The following CDH13 variants were observed in gnomAD, a reference collection of about 807,000 sequenced individuals.
The protein encoded by CDH13 is cadherin-13.
A neutral mutation model predicts 63.8 loss-of-function variants in CDH13; 24 were observed. The ratio of observed to expected loss-of-function variants is 0.38; its 90% CI spans 0.27 to 0.53. The LOEUF (loss-of-function observed/expected upper bound fraction) is 0.53. CDH13 is among the 20% of genes least tolerant of loss of function. CDH13 has a pLI of 0.85. For synonymous variants in CDH13, 503 were observed against 355.3 expected, an observed-to-expected ratio of 1.42 and a Z score of -4.67; for missense variants, 1,049 against 903.1, an observed-to-expected ratio of 1.16 and a Z score of -2.07.
chr16:83,112,040 T>G (rs541400372), intron 3 of CDH13, among the ~76,000 whole-genome samples: 1 of 152,342 alleles, frequency 6.6e-6, no homozygotes, highest in African/African-American at 2.4e-5. Flanking sequence ...GAAAAAAGTT[T>G]CCAGAGTTCT....
intron 5 of CDH13, among the ~76,000 whole-genome samples, chr16:83,279,610 G>A (rs577922453): frequency 1.9e-4 from 29 of 152,250 alleles, no homozygotes; most frequent in Non-Finnish European, 3.5e-4. Flanking sequence ...GGAAGGAACC[G>A]GCTATTAAAT....
intron 2 of CDH13, among the ~76,000 whole-genome samples, chr16:82,951,617 G>T (rs1047041376): frequency 2.0e-5 from 3 of 152,154 alleles, no homozygotes; most frequent in African/African-American, 7.2e-5. Flanking sequence ...TTTCCTTACT[G>T]CCAGCATCTA....
At chr16:83,261,301 T>C (rs1481749796) in intron 5 of CDH13, among the ~76,000 whole-genome samples, 1 of 152,182 alleles carries the variant, frequency 6.6e-6, no homozygotes, top group African/African-American at 2.4e-5. Flanking sequence ...TCATTACCGA[T>C]ACGTTAACTT....
At chr16:82,660,442 G>A (rs191250035) in intron 1 of CDH13, among the ~76,000 whole-genome samples, 18 of 139,182 alleles carry the variant, frequency 1.3e-4, no homozygotes, top group African/African-American at 5.7e-4. Flanking sequence ...CTGCCGGGGC[G>A]TGCGGGGAAA....
chr16:82,884,077 G>T (rs1201893873), intron 2 of CDH13: 3 of 422,992 alleles, frequency 7.1e-6, no homozygotes, highest in African/African-American at 6.2e-5. Context: ...ATAATGAAGT[G>T]CCATGTAGAT....
intron 13 of CDH13, chr16:83,789,825 T>C (rs1020071003): frequency 4.6e-5 from 7 of 152,134 alleles, no homozygotes; most frequent in African/African-American, 1.7e-4. Flanking sequence ...TAAAGTTTTA[T>C]TGGAACACAG....
rs550308772 is a variant in CDH13, at chr16:83,047,469, A to G, written c.366+15251A>G. ...CAGTCTTATTTACCTTGTTATCTGTAATTTCCTCTTTCCCTCAGGCCTTTG... is the reference window on the plus strand; with the variant it reads ...CAGTCTTATTTACCTTGTTATCTGTGATTTCCTCTTTCCCTCAGGCCTTTG... On this transcript the variant is annotated intron_variant, in intron 3 of 13. Transcript: ENST00000567109. The surrounding 1 kb of genome is among the most constrained non-coding windows in gnomAD (Gnocchi z 4.9). Among the ~76,000 whole-genome samples the G allele has an allele frequency of 2.0e-5, 3 of 152,192 alleles. No homozygotes were observed. The highest frequency in any genetic ancestry group is 2.4e-5 in the African/African-American group (1 of 41,470).
chr16:83,260,421 CAT>C (rs1234692184), intron 5 of CDH13, among the ~76,000 whole-genome samples: 1 of 152,164 alleles, frequency 6.6e-6, no homozygotes, highest in African/African-American at 2.4e-5. Flanking sequence ...ATCTATTTCT[CAT>C]ATTTCTCCCC....
At chr16:82,891,813 C>G (rs544400939) in intron 2 of CDH13, among the ~76,000 whole-genome samples, 4 of 152,310 alleles carry the variant, frequency 2.6e-5, no homozygotes, top group African/African-American at 7.2e-5. Context: ...ATACCAGGCC[C>G]TTATCATGGG....
intron 1 of CDH13, among the ~76,000 whole-genome samples, chr16:82,642,737 A>G (rs949659533): frequency 2.0e-5 from 3 of 152,200 alleles, no homozygotes; most frequent in Non-Finnish European, 2.9e-5. Flanking sequence ...AGTAGCTGAT[A>G]TCAGTGTGGT....
intron 1 of CDH13, among the ~76,000 whole-genome samples, chr16:82,718,056 G>T (rs2032508929): frequency 6.6e-6 from 1 of 152,210 alleles, no homozygotes; most frequent in African/African-American, 2.4e-5. Context: ...TGTGTGCAAG[G>T]TGTTTATTTG....
At chr16:82,686,326 G>T (rs976443158) in intron 1 of CDH13, among the ~76,000 whole-genome samples, 11 of 152,182 alleles carry the variant, frequency 7.2e-5, no homozygotes, top group Non-Finnish European at 1.6e-4. Context: ...TGGTTCTGCG[G>T]AGAGCCATGA....
intron 11 of CDH13, among the ~76,000 whole-genome samples, chr16:83,754,542 C>T (rs1332321235): frequency 2.6e-5 from 4 of 152,154 alleles, no homozygotes; most frequent in Non-Finnish European, 5.9e-5. Flanking sequence ...CCCATAATTC[C>T]CATGTGCTGT....
At chr16:83,454,986 A>G (rs1304537504) in intron 6 of CDH13, among the ~76,000 whole-genome samples, 1 of 152,198 alleles carries the variant, frequency 6.6e-6, no homozygotes, top group African/African-American at 2.4e-5. Flanking sequence ...CTGAGATTAC[A>G]GGCATGAGTC....
At chr16:83,667,348 T>G (rs1914083509) in intron 8 of CDH13, among the ~76,000 whole-genome samples, 1 of 152,166 alleles carries the variant, frequency 6.6e-6, no homozygotes, top group Admixed American at 6.5e-5. Flanking sequence ...TGCACAGGTT[T>G]GTCTCACTTA....
chr16:82,969,905 C>T (rs968179818), intron 2 of CDH13, among the ~76,000 whole-genome samples: 3 of 151,972 alleles, frequency 2.0e-5, no homozygotes, highest in African/African-American at 7.3e-5. Flanking sequence ...AAGTCCATTT[C>T]TACACCTTTC....
chr16:83,412,801 G>A (rs545608026), intron 6 of CDH13, among the ~76,000 whole-genome samples: 2 of 152,316 alleles, frequency 1.3e-5, no homozygotes, highest in South Asian at 2.1e-4. Context: ...ATGCATTTAC[G>A]ATTTCAGGAC....
At chr16:83,053,784 A>T (rs1388222719) in intron 3 of CDH13, among the ~76,000 whole-genome samples, 2 of 152,110 alleles carry the variant, frequency 1.3e-5, no homozygotes, top group African/African-American at 2.4e-5. Flanking sequence ...AATAATTCCA[A>T]ATTAGGATGC....
At chr16:83,455,558 T>C (rs2073000349) in intron 6 of CDH13, among the ~76,000 whole-genome samples, 1 of 152,196 alleles carries the variant, frequency 6.6e-6, no homozygotes, top group South Asian at 2.1e-4. Context: ...GCTTCAGCCA[T>C]TGCTACACGT....
Sources: gnomAD v4.1 joint callset for allele counts (sites outside exome capture counted in the v4.1 genomes callset) on GRCh38, gnomAD v4.1.1 for gene constraint, Gnocchi (gnomAD v3.1) non-coding constraint, MANE v1.5 for transcripts, NCBI Gene and HGNC (gene_info 2026-07-23, HGNC 2026-07-21) for gene names.